The following WWOX variants were observed in gnomAD, a reference collection of about 807,000 sequenced individuals.
WWOX encodes WW domain-containing oxidoreductase.
WWOX carries 69 observed loss-of-function variants against 46.2 expected under a neutral mutation model. That is an observed-to-expected ratio of 1.49 (90% CI 1.23 to 1.82). The LOEUF (loss-of-function observed/expected upper bound fraction) is 1.82, where lower values mean the gene tolerates loss of function less well. Ranked by LOEUF, WWOX falls within the 40% of genes most tolerant of loss-of-function variation. The pLI is 0.00. For missense variants in WWOX, 919 were observed against 542.6 expected (o/e 1.69, Z -6.89); for synonymous variants, 359 against 202.6 (o/e 1.77, Z -6.56).
intron 8 of WWOX, among the ~76,000 whole-genome samples, chr16:78,976,792 G>C (rs2046581367): frequency 6.6e-6 from 1 of 152,206 alleles, no homozygotes; most frequent in Non-Finnish European, 1.5e-5. Context: ...CCATGAGGCA[G>C]ATCTTAGTGC....
chr16:78,831,950 C>T (rs1300149214), intron 8 of WWOX, among the ~76,000 whole-genome samples: 1 of 152,158 alleles, frequency 6.6e-6, no homozygotes, highest in Admixed American at 6.5e-5. Flanking sequence ...GTGATAACTA[C>T]CTGTGTTGCT....
chr16:79,149,958 C>T (rs899046810), intron 8 of WWOX, among the ~76,000 whole-genome samples: 1 of 152,200 alleles, frequency 6.6e-6, no homozygotes, highest in African/African-American at 2.4e-5. Context: ...ATGCCGATGA[C>T]CAGTAAGACC....
intron 5 of WWOX, among the ~76,000 whole-genome samples, chr16:78,230,450 A>G (rs1209998043): frequency 6.6e-6 from 1 of 152,202 alleles, no homozygotes; most frequent in Non-Finnish European, 1.5e-5. Context: ...TGGGAAAGCA[A>G]TTAGTAGTTT....
chr16:78,693,198 C>G (rs1033186549), intron 8 of WWOX, among the ~76,000 whole-genome samples: 9 of 152,164 alleles, frequency 5.9e-5, no homozygotes, highest in Non-Finnish European at 1.0e-4. Flanking sequence ...CAGATATTGA[C>G]TGCCTTTCTG....
intron 8 of WWOX, among the ~76,000 whole-genome samples, chr16:78,443,184 T>C (rs1261304414): frequency 6.8e-6 from 1 of 147,436 alleles, no homozygotes; most frequent in Non-Finnish European, 1.5e-5. Flanking sequence ...TCGTGTCTAT[T>C]GTCCCAGCTA....
At chr16:78,103,242 GTTTTTTTTT>G (rs74264852) in intron 1 of WWOX, among the ~76,000 whole-genome samples, 57 of 142,602 alleles carry the variant, frequency 4.0e-4, no homozygotes, top group Admixed American at 5.5e-4. Context: ...TGGCTCCGCT[GTTTTTTTTT>G]TTTTTTTTTT....
intron 8 of WWOX, among the ~76,000 whole-genome samples, chr16:78,452,384 T>C (rs12051479): frequency 0.073 from 11,116 of 152,208 alleles, 491 homozygotes; most frequent in East Asian, 0.2. Flanking sequence ...GGCAGATCTT[T>C]TAATTAGATA....
At chr16:79,098,692 C>T (rs1005886965) in intron 8 of WWOX, among the ~76,000 whole-genome samples, 1 of 152,160 alleles carries the variant, frequency 6.6e-6, no homozygotes, top group East Asian at 1.9e-4. Flanking sequence ...GCACACAATA[C>T]ATGTCTACTA....
In WWOX at chr16:78,133,089, C is replaced by T. The variant is rs568976730; in HGVS notation, c.409+17935C>T. On this transcript the variant is annotated intron_variant, in intron 4 of 8. Transcript: ENST00000566780. The stretch of plus-strand genomic sequence containing the variant: ...AAGGGTTAGCCAAATTAAGATCTCA[C>T]CATCAACCTTGAGGGAGTGACTTCT... Among the ~76,000 whole-genome samples the T allele has an allele frequency of 3.0e-4, 46 of 152,240 alleles. 1 individual carries two copies. In the South Asian group the frequency reaches 8.5e-3, roughly 28 times the overall value.
intron 8 of WWOX, among the ~76,000 whole-genome samples, chr16:78,949,207 ACCTTGTGAGTGG>A (rs1428036126): frequency 1.3e-5 from 2 of 152,116 alleles, no homozygotes; most frequent in African/African-American, 4.8e-5. Flanking sequence ...GCTGGCTGAC[ACCTTGTGAGTGG>A]CCTTGTGAGA....
chr16:78,969,477 G>A (rs1380801267), intron 8 of WWOX, among the ~76,000 whole-genome samples: 2 of 151,868 alleles, frequency 1.3e-5, no homozygotes, highest in South Asian at 2.1e-4. Flanking sequence ...CACCGTGTTG[G>A]CCAGGCTGGT....
chr16:78,544,332 A>G (rs952443220), intron 8 of WWOX, among the ~76,000 whole-genome samples: 2 of 152,218 alleles, frequency 1.3e-5, no homozygotes, highest in East Asian at 1.9e-4. Flanking sequence ...CATAGTTACC[A>G]TTTATTGAGA....
intron 8 of WWOX, among the ~76,000 whole-genome samples, chr16:79,121,365 T>G (rs2049627710): frequency 6.6e-6 from 1 of 152,212 alleles, no homozygotes; most frequent in Admixed American, 6.5e-5. Context: ...GAAAAAATTT[T>G]ACGCATTGTG....
intron 8 of WWOX, among the ~76,000 whole-genome samples, chr16:78,730,195 A>T (rs762370689): frequency 6.6e-6 from 1 of 152,140 alleles, no homozygotes; most frequent in Non-Finnish European, 1.5e-5. Context: ...AGCTCTGGTT[A>T]CATATGGTCA....
At chr16:78,411,875 A>C (rs1490308340) in intron 6 of WWOX, among the ~76,000 whole-genome samples, 2 of 152,110 alleles carry the variant, frequency 1.3e-5, no homozygotes, top group African/African-American at 2.4e-5. Context: ...CGATTAGGGG[A>C]CTGTTCCCAG....
intron 8 of WWOX, among the ~76,000 whole-genome samples, chr16:78,761,045 G>C (rs1416340281): frequency 2.0e-5 from 3 of 152,082 alleles, no homozygotes; most frequent in Non-Finnish European, 2.9e-5. Context: ...TCTCCTACCA[G>C]GCCCCTCCTA....
chr16:78,821,773 C>G (rs575824581), intron 8 of WWOX, among the ~76,000 whole-genome samples: 15 of 152,282 alleles, frequency 9.9e-5, no homozygotes, highest in African/African-American at 3.4e-4. Context: ...GCAAAGTAAC[C>G]TAGCATAGTG....
intron 8 of WWOX, among the ~76,000 whole-genome samples, chr16:78,597,027 A>T (rs766655099): frequency 1.3e-5 from 2 of 152,094 alleles, no homozygotes; most frequent in Admixed American, 6.5e-5. Flanking sequence ...TCCCCTCCCA[A>T]TCTCATTGCT....
At chr16:78,742,540 C>T (rs963642703) in intron 8 of WWOX, among the ~76,000 whole-genome samples, 2 of 152,230 alleles carry the variant, frequency 1.3e-5, no homozygotes, top group Non-Finnish European at 2.9e-5. Context: ...GTTCTTTCCT[C>T]TGACTCAAAT....
Sources: gnomAD v4.1 joint callset for allele counts (sites outside exome capture counted in the v4.1 genomes callset) on GRCh38, gnomAD v4.1.1 for gene constraint, MANE v1.5 for transcripts, NCBI Gene and HGNC (gene_info 2026-07-23, HGNC 2026-07-21) for gene names.